Variants in TDRD9 observed in about 807,000 individuals in gnomAD.
The protein encoded by TDRD9 is ATP-dependent RNA helicase TDRD9.
In TDRD9, 124 loss-of-function variants were observed where a neutral mutation model predicts 172.6. The ratio of observed to expected loss-of-function variants is 0.72; its 90% CI spans 0.62 to 0.83. TDRD9 has a LOEUF of 0.83. Ranked by LOEUF, TDRD9 falls within the 40% of genes least tolerant of loss-of-function variation. The pLI, the probability that TDRD9 is intolerant of heterozygous loss-of-function variation, is 0.00. For synonymous variants in TDRD9, 619 were observed against 617.1 expected, an observed-to-expected ratio of 1.00 and a Z score of -0.05; for missense variants, 1,479 against 1,714.1, an observed-to-expected ratio of 0.86 and a Z score of 2.42.
rs1236244834 is a variant in TDRD9, at chr14:104,012,592, TTAA to T, written c.2107-2124_2107-2122del. 2.6e-5 allele frequency among the ~76,000 whole-genome samples: 4 copies of T among 152,010 alleles called. No individual in the cohort carries two copies. The East Asian group carries it at 7.7e-4, about 29-fold the overall frequency. ...GTCTTTCTGAAATTAGTATTTATTATTAATAATAATATTTTCAGTCTTTCTAAT... is the reference window on the plus strand; with the variant it reads ...GTCTTTCTGAAATTAGTATTTATTATTAATAATATTTTCAGTCTTTCTAAT... On this transcript the variant is annotated intron_variant, in intron 20 of 35. Coordinates refer to ENST00000409874, the MANE Select transcript of TDRD9 (RefSeq NM_153046.3).
chr14:103,952,729 CTTT>C (rs68192057), intron 1 of TDRD9, among the ~76,000 whole-genome samples: 4 of 72,316 alleles, frequency 5.5e-5, no homozygotes, highest in East Asian at 4.4e-4. Flanking sequence ...AATTCTCTCT[CTTT>C]TTTTTTTTTT....
chr14:104,034,766 G>A (rs551677249), intron 31 of TDRD9, among the ~76,000 whole-genome samples, 194 bp from the exon 32 acceptor site: 130 of 152,326 alleles, frequency 8.5e-4, no homozygotes, highest in Non-Finnish European at 1.6e-3. Context: ...GCATCATAGC[G>A]TAGTGTCTCT....
rs530357318 is a variant in TDRD9, at chr14:103,966,931, T to C, written c.765+100T>C. On this transcript the variant is annotated intron_variant, in intron 5 of 35. Coordinates refer to ENST00000409874, the MANE Select transcript of TDRD9 (RefSeq NM_153046.3). ...TCTTTGTGCCTGTCTCAGCTTTCTT[T>C]ATTTTTTCCTTCCCCTTTACTTTCT... 272 of 1,123,032 alleles carry C rather than the reference T, an allele frequency of 2.4e-4. No individual in the cohort carries two copies. The African/African-American group carries it at 4.1e-3, about 17-fold the overall frequency. 69.6% of individuals were successfully genotyped at this position (1,123,032 alleles called of 1,614,324 possible). A position where few individuals can be genotyped will look rare whatever the true frequency, so the allele number is the denominator to read the frequency against.
Position 104,035,062 on chromosome 14 carries a change from G to T in TDRD9, c.3716+6G>T. The T allele has an allele frequency of 1.3e-6, 2 of 1,549,704 alleles. No individual in the cohort carries two copies. Among genetic ancestry groups the T allele is most frequent in the South Asian group, 1.2e-5 (1 of 84,022 alleles). ...GCACCGGTGATAGAGTTAAGGTACG[G>T]GCATCCCTCTTGTCTATAGGCTTTG... On this transcript the variant is annotated splice_donor_region_variant and intron_variant, in intron 32 of 35. Transcript: ENST00000409874.
intron 1 of TDRD9, among the ~76,000 whole-genome samples, chr14:103,952,204 ATATATATATATATATATTTTTTTTT>A (rs2031929465): frequency 1.3e-5 from 1 of 74,296 alleles, no homozygotes; most frequent in African/African-American, 6.9e-5. Flanking sequence ...ATATATATAT[ATATATATATATATATATTTTTTTTT>A]TTTTTTTTTT....
In TDRD9 at chr14:103,997,636, C is replaced by T. The variant is rs1421540364; in HGVS notation, c.1379-988C>T. Among the ~76,000 whole-genome samples the T allele has an allele frequency of 1.3e-5, 2 of 152,216 alleles. No homozygotes were observed. The highest frequency in any genetic ancestry group is 2.9e-5 in the Non-Finnish European group (2 of 68,032). On this transcript the variant is annotated intron_variant, in intron 12 of 35. Transcript: ENST00000409874. The surrounding 1 kb of genome is among the most constrained non-coding windows in gnomAD (Gnocchi z 5.1). ...AAGGCAGGAACCTGGCCAAGCTCTTCTGGGAGTGCACAGAGGGAGGGTGGC... is the reference window on the plus strand; with the variant it reads ...AAGGCAGGAACCTGGCCAAGCTCTTTTGGGAGTGCACAGAGGGAGGGTGGC...
At chr14:103,994,720 A>G in intron 11 of TDRD9, 117 bp downstream of exon 11, 1 of 775,986 alleles carries the variant, frequency 1.3e-6, no homozygotes. Context: ...CAGCACTGTG[A>G]GAGGCTGAGG....
chr14:103,950,090 C>CTTTTTTTTT (rs58379140), intron 1 of TDRD9, among the ~76,000 whole-genome samples: 18 of 108,454 alleles, frequency 1.7e-4, no homozygotes, highest in Non-Finnish European at 2.6e-4. Flanking sequence ...TCCTTCCTTC[C>CTTTTTTTTT]TTTTTTTTTT....
chr14:104,011,449 C>A (rs2034610206), intron 20 of TDRD9, among the ~76,000 whole-genome samples: 1 of 152,184 alleles, frequency 6.6e-6, no homozygotes, highest in Admixed American at 6.5e-5. Flanking sequence ...TTTTAATCAA[C>A]AGTTTAATAA....
intron 6 of TDRD9, among the ~76,000 whole-genome samples, chr14:103,974,080 T>C (rs576651239): frequency 3.3e-5 from 5 of 152,260 alleles, no homozygotes; most frequent in African/African-American, 1.2e-4. Context: ...TGCACACATG[T>C]AGTCCTACCT....
chr14:104,004,426 A>G (rs2368994), intron 14 of TDRD9, 91 bp downstream of exon 14: 700,964 of 712,680 alleles, frequency 0.98, 345,612 homozygotes, highest in East Asian at 1. Flanking sequence ...TGTTGTCTGG[A>G]CTGGAGTGCA....
In TDRD9 at chr14:103,980,620, CTG is replaced by C. The variant is rs1157867374; in HGVS notation, c.1011+5068_1011+5069del. 6.6e-6 allele frequency among the ~76,000 whole-genome samples: 1 copy of C among 152,098 alleles called. No individual in the cohort carries two copies. The highest frequency in any genetic ancestry group is 1.9e-4 in the East Asian group (1 of 5,174). ...TCCGGATAACTGCGGGCGGGCCTAA[CTG>C]ATGTCAAGCCCTCCACAAGAGGTGG... On this transcript the variant is annotated intron_variant, in intron 7 of 35. Coordinates refer to ENST00000409874, the MANE Select transcript of TDRD9 (RefSeq NM_153046.3). This position sits in a 1 kb window ranked among gnomAD's most constrained non-coding sequence, Gnocchi z 4.5.
intron 5 of TDRD9, among the ~76,000 whole-genome samples, chr14:103,968,867 G>A (rs1262934030): frequency 6.7e-6 from 1 of 148,646 alleles, no homozygotes; most frequent in East Asian, 2.0e-4. Context: ...TTGGGAGGCC[G>A]AGGTGGGCGG....
intron 2 of TDRD9, among the ~76,000 whole-genome samples, chr14:103,957,161 G>A (rs1050655631): frequency 3.3e-5 from 5 of 151,988 alleles, no homozygotes; most frequent in Admixed American, 2.6e-4. Flanking sequence ...ATCATCTATG[G>A]CCCACTCTTT....
At chr14:104,042,927 AT>A (rs2140922459) in intron 34 of TDRD9, among the ~76,000 whole-genome samples, 1 of 152,288 alleles carries the variant, frequency 6.6e-6, no homozygotes, top group South Asian at 2.1e-4. Flanking sequence ...TTTAATAAGC[AT>A]TTTTTAAAAA....
rs570401329 is a variant in TDRD9, at chr14:103,990,128, T to C, written c.1116-1032T>C. On this transcript the variant is annotated intron_variant, in intron 8 of 35. Transcript: ENST00000409874. ...AGAGCTCCCTTCCCCACTCACTGTG[T>C]GTGAGCCTCTCCTCTGGGTGGGGCT... Among the ~76,000 whole-genome samples the C allele has an allele frequency of 8.4e-4, 128 of 152,334 alleles. 2 individuals are homozygous for C. The South Asian group carries it at 0.02, about 24-fold the overall frequency.
Position 104,050,464 on chromosome 14 carries a change from A to G in TDRD9, c.4047+784A>G, listed in dbSNP as rs181892390. ...AGGGCTAGAAATGGAATAAAATGTG[A>G]TTTCAGAGAAAGGAGCCCAAAGGAG... On this transcript the variant is annotated intron_variant, in intron 35 of 35. Coordinates refer to ENST00000409874, the MANE Select transcript of TDRD9 (RefSeq NM_153046.3). Among the ~76,000 whole-genome samples the G allele has an allele frequency of 3.9e-5, 6 of 152,294 alleles. No individual in the cohort carries two copies. In the East Asian group the frequency reaches 1.2e-3, roughly 29 times the overall value.
intron 14 of TDRD9, 56 bp from the exon 15 acceptor site, chr14:104,005,218 C>A: frequency 6.3e-7 from 1 of 1,584,184 alleles, no homozygotes; most frequent in South Asian, 1.1e-5. Context: ...TTATGTGAAT[C>A]GGCTAACTGA....
Position 104,025,629 on chromosome 14 carries a change from G to T in TDRD9, c.2784G>T (p.Lys928Asn). 1 of 1,613,988 alleles carries T rather than the reference G, an allele frequency of 6.2e-7. No individual in the cohort carries two copies. The highest frequency in any genetic ancestry group is 8.5e-7 in the Non-Finnish European group (1 of 1,179,880). ...IDENNSEILK[K>N]LTAEINQLTL... ...AAAACAACTCAGAGATTCTGAAAAA[G>T]CTTACTGCTGAAATCAACCAACTGA... The change falls in exon 26 of 36, where the codon AAG (lysine) becomes AAT (asparagine). Residue 928 changes from lysine to asparagine, a missense_variant. This residue lies in a region of TDRD9 where 1,413 missense variants were observed against 1,649.1 expected (regional missense o/e 0.86). Coordinates refer to ENST00000409874, the MANE Select transcript of TDRD9 (RefSeq NM_153046.3).
Sources: allele counts gnomAD v4.1 joint callset (sites outside exome capture counted in the v4.1 genomes callset), GRCh38; gene constraint gnomAD v4.1.1; regional missense constraint gnomAD v4.1.1; non-coding constraint Gnocchi (gnomAD v3.1); transcripts MANE v1.5; gene names NCBI Gene and HGNC (gene_info 2026-07-23, HGNC 2026-07-21).